ITSN2: variants seen among roughly 807,000 people sequenced by gnomAD.
ITSN2 encodes intersectin 2.
Under a neutral mutation model 243.7 loss-of-function variants are expected in ITSN2, and 156 were observed. The observed-to-expected ratio is 0.64, with a 90% confidence interval of 0.56 to 0.73. ITSN2 has a LOEUF of 0.73. Ranked by LOEUF, ITSN2 falls within the 30% of genes least tolerant of loss-of-function variation. The pLI is 0.00. For synonymous variants in ITSN2, 703 were observed against 699.9 expected, an observed-to-expected ratio of 1.00 and a Z score of -0.07; for missense variants, 1,801 against 1,996.1, an observed-to-expected ratio of 0.90 and a Z score of 1.86.
At chr2:24,280,872 C>G (rs1054132162) in intron 17 of ITSN2, among the ~76,000 whole-genome samples, 1 of 152,176 alleles carries the variant, frequency 6.6e-6, no homozygotes, top group African/African-American at 2.4e-5. Flanking sequence ...CATCAATGAC[C>G]TTTTTAACTC....
intron 1 of ITSN2, among the ~76,000 whole-genome samples, chr2:24,337,275 A>ATGTGTG (rs1553395842): frequency 1.5e-3 from 4 of 2,592 alleles, no homozygotes; most frequent in African/African-American, 3.4e-3. Flanking sequence ...GTGTGTCTAT[A>ATGTGTG]TGTATGTATG....
At chr2:24,315,652 G>A (rs939014768) in intron 2 of ITSN2, among the ~76,000 whole-genome samples, 1 of 152,178 alleles carries the variant, frequency 6.6e-6, no homozygotes, top group Non-Finnish European at 1.5e-5. Flanking sequence ...CAGAGGAGGG[G>A]CCTGGTGGGA....
chr2:24,298,515 T>C (rs1371387683), intron 13 of ITSN2, 150 bp downstream of exon 13: 1 of 632,082 alleles, frequency 1.6e-6, no homozygotes, highest in Admixed American at 3.4e-5. Context: ...CAGGCTGGTT[T>C]CAAACTCCTG....
chr2:24,309,543 C>G (rs1244997496), intron 7 of ITSN2, among the ~76,000 whole-genome samples: 1 of 152,118 alleles, frequency 6.6e-6, no homozygotes, highest in Non-Finnish European at 1.5e-5. Flanking sequence ...AAATTTTAAG[C>G]AATTATCACT....
Position 24,211,404 on chromosome 2 carries a change from A to T in ITSN2, c.4090-457T>A, listed in dbSNP as rs1400058014. On this transcript the variant is annotated intron_variant, in intron 33 of 39. Coordinates refer to ENST00000355123, the MANE Select transcript of ITSN2 (RefSeq NM_006277.3). The surrounding 1 kb of genome is among the most constrained non-coding windows in gnomAD (Gnocchi z 4.1). Reference sequence around the variant, plus strand: ...AAATCTGATGAAAGCAATGACTCCCATGCCACAGGAAAAATACAATAAAAT... The same window carrying T: ...AAATCTGATGAAAGCAATGACTCCCTTGCCACAGGAAAAATACAATAAAAT... Among the ~76,000 whole-genome samples, 2 of 152,258 alleles carry T rather than the reference A, an allele frequency of 1.3e-5. No individual in the cohort carries two copies. The highest frequency in any genetic ancestry group is 2.9e-5 in the Non-Finnish European group (2 of 68,042).
chr2:24,265,401 G>C (rs182692324), intron 20 of ITSN2, among the ~76,000 whole-genome samples: 2 of 152,096 alleles, frequency 1.3e-5, no homozygotes, highest in Admixed American at 1.3e-4. Context: ...AATAGTCATC[G>C]TTTCTATACA....
At chr2:24,257,839 G>GA in intron 23 of ITSN2, 49 bp downstream of exon 23, 1 of 1,382,258 alleles carries the variant, frequency 7.2e-7, no homozygotes, top group South Asian at 1.2e-5. Flanking sequence ...TGACTCATTA[G>GA]TGAAAATACC....
intron 2 of ITSN2, among the ~76,000 whole-genome samples, chr2:24,319,056 C>T (rs1450421497): frequency 3.3e-5 from 5 of 152,170 alleles, no homozygotes; most frequent in African/African-American, 1.2e-4. Context: ...AAAACCAACC[C>T]CCTCCCACCA....
intron 1 of ITSN2, among the ~76,000 whole-genome samples, chr2:24,348,221 C>G (rs1483283314): frequency 2.5e-5 from 3 of 119,544 alleles, no homozygotes; most frequent in African/African-American, 3.3e-5. Flanking sequence ...TTTGCCCAAG[C>G]TGGAGTGCAG....
chr2:24,250,584 T>A (rs905512051), intron 25 of ITSN2, among the ~76,000 whole-genome samples: 2 of 152,162 alleles, frequency 1.3e-5, no homozygotes, highest in African/African-American at 4.8e-5. Context: ...TGTTATCACA[T>A]CATGCACGGG....
At chr2:24,317,066 C>G (rs1420841770) in intron 2 of ITSN2, among the ~76,000 whole-genome samples, 1 of 152,166 alleles carries the variant, frequency 6.6e-6, no homozygotes, top group East Asian at 1.9e-4. Context: ...CTGGCCCCAA[C>G]AGTATTTTGG....
intron 1 of ITSN2, among the ~76,000 whole-genome samples, chr2:24,338,193 T>C (rs537629981): frequency 6.6e-5 from 10 of 152,370 alleles, no homozygotes; most frequent in African/African-American, 9.6e-5. Context: ...GATAAAACTT[T>C]AGTGTTTATA....
chr2:24,356,806 G>A (rs899419519), intron 1 of ITSN2, among the ~76,000 whole-genome samples: 1 of 152,022 alleles, frequency 6.6e-6, no homozygotes, highest in Non-Finnish European at 1.5e-5. Context: ...AGGAGGCTGA[G>A]GCAGAAGAAT....
chr2:24,286,454 G>A (rs1411421324), intron 15 of ITSN2, 103 bp from the exon 16 acceptor site: 13 of 920,012 alleles, frequency 1.4e-5, no homozygotes, highest in South Asian at 4.2e-5. Context: ...AGACCAATAC[G>A]AAGGATGTAT....
chr2:24,212,603 G>A (rs759540655), intron 33 of ITSN2, 47 bp downstream of exon 33: 24 of 1,458,224 alleles, frequency 1.6e-5, no homozygotes, highest in African/African-American at 5.6e-5. Context: ...GGACCTCAGC[G>A]CATCCTGCTC....
At chr2:24,212,243 G>A (rs2151106906) in intron 33 of ITSN2, among the ~76,000 whole-genome samples, 1 of 152,276 alleles carries the variant, frequency 6.6e-6, no homozygotes, top group South Asian at 2.1e-4. Context: ...AAGGTGTTCA[G>A]GGTGGATGGA....
In ITSN2 at chr2:24,300,044, C is replaced by T; in HGVS notation, c.1209G>A (p.Glu403=). The T allele has an allele frequency of 3.1e-6, 5 of 1,614,204 alleles. No homozygotes were observed. The highest frequency in any genetic ancestry group is 4.2e-6 in the Non-Finnish European group (5 of 1,180,030). The part of the protein sequence containing the change: ...AERKAQKEKE[E]WERKQRELQE... ...GTAATTCTCTCTGTTTTCGTTCCCA[C>T]TCTTCCTTTTCTTTCTGGGCTTTAC... The change falls in exon 12 of 40, where the codon GAG becomes GAA. Residue 403 remains glutamate (E), a synonymous_variant. Coordinates refer to ENST00000355123, the MANE Select transcript of ITSN2 (RefSeq NM_006277.3).
chr2:24,330,328 C>T, intron 1 of ITSN2: 1 of 454,048 alleles, frequency 2.2e-6, no homozygotes, highest in South Asian at 1.8e-5. Context: ...GAGAACGAAC[C>T]CCGGACTGAC....
At position 24,208,183 on chromosome 2, in the gene ITSN2, C is replaced by T. The variant is rs1247837591; in HGVS notation, c.4678+54G>A. The stretch of plus-strand genomic sequence containing the variant: ...TCAGCCTGACTGCAGGAGCAGTGGC[C>T]GGCATTCCTAGGGCCCCTGGGGGCT... On this transcript the variant is annotated intron_variant, in intron 37 of 39. Coordinates refer to ENST00000355123, the MANE Select transcript of ITSN2 (RefSeq NM_006277.3). 3.5e-5 allele frequency: 51 copies of T among 1,443,950 alleles called. No homozygotes were observed. The East Asian group carries it at 8.8e-4, about 25-fold the overall frequency. 89.4% of individuals were successfully genotyped at this position (1,443,950 alleles called of 1,614,324 possible).
Sources: gnomAD v4.1 joint callset for allele counts (sites outside exome capture counted in the v4.1 genomes callset) on GRCh38, gnomAD v4.1.1 for gene constraint, Gnocchi (gnomAD v3.1) non-coding constraint, MANE v1.5 for transcripts, NCBI Gene and HGNC (gene_info 2026-07-23, HGNC 2026-07-21) for gene names.